Variants in CNOT6 observed in about 807,000 individuals in gnomAD.
CNOT6 encodes carbon catabolite repression 4 protein.
In CNOT6, 12 loss-of-function variants were observed where a neutral mutation model predicts 61.2. The observed-to-expected ratio is 0.20, with a 90% CI of 0.13 to 0.32. CNOT6 has a LOEUF of 0.32. Among genes scored for constraint, CNOT6 ranks in the 10% least tolerant of loss-of-function variants. The pLI, the probability that CNOT6 is intolerant of heterozygous loss-of-function variation, is 1.00. For synonymous variants in CNOT6, 225 were observed against 240.6 expected (o/e 0.94, Z 0.60); for missense variants, 405 against 663.9 (o/e 0.61, Z 4.28).
intron 1 of CNOT6, among the ~76,000 whole-genome samples, chr5:180,499,954 G>A (rs1756791338): frequency 6.6e-6 from 1 of 152,164 alleles, no homozygotes; most frequent in Admixed American, 6.5e-5. Flanking sequence ...ACACAGTTCA[G>A]TTCGGCTGGG....
intron 1 of CNOT6, among the ~76,000 whole-genome samples, chr5:180,510,272 C>G (rs1453729355): frequency 6.7e-6 from 1 of 150,288 alleles, no homozygotes; most frequent in Non-Finnish European, 1.5e-5. Flanking sequence ...TCAGCCTATC[C>G]TCCTACCTCA....
chr5:180,569,007 A>C, intron 9 of CNOT6, 103 bp from the exon 10 acceptor site: 1 of 829,082 alleles, frequency 1.2e-6, no homozygotes, highest in South Asian at 1.8e-5. Context: ...TGTCTTTTCT[A>C]TTCTGGGACT....
intron 4 of CNOT6, among the ~76,000 whole-genome samples, chr5:180,559,226 A>G (rs558684614): frequency 6.6e-6 from 1 of 152,356 alleles, no homozygotes; most frequent in East Asian, 1.9e-4. Context: ...GTCTCCAACA[A>G]TAATTGTAGA....
intron 1 of CNOT6, among the ~76,000 whole-genome samples, chr5:180,526,461 G>A (rs1330775718): frequency 1.3e-5 from 2 of 152,166 alleles, no homozygotes; most frequent in African/African-American, 2.4e-5. Flanking sequence ...GTGGGAGTTC[G>A]TAGAAAGGGC....
chr5:180,497,845 A>G (rs59948118), intron 1 of CNOT6, among the ~76,000 whole-genome samples: 2,232 of 152,184 alleles, frequency 0.015, 45 homozygotes, highest in African/African-American at 0.051. Context: ...GGAGTTCGAG[A>G]CCAGCCTGAC....
At chr5:180,570,861 C>T (rs1053444616) in intron 10 of CNOT6, among the ~76,000 whole-genome samples, 2 of 152,114 alleles carry the variant, frequency 1.3e-5, no homozygotes, top group South Asian at 2.1e-4. Flanking sequence ...AATAATTGAG[C>T]GTAAGCCAGA....
At chr5:180,529,503 T>C in intron 2 of CNOT6, 115 bp downstream of exon 2, 2 of 673,236 alleles carry the variant, frequency 3.0e-6, no homozygotes, top group Non-Finnish European at 5.3e-6. Context: ...AAATGTAATG[T>C]ATTTATAAAT....
intron 1 of CNOT6, among the ~76,000 whole-genome samples, chr5:180,525,326 C>G (rs185543613): frequency 1.2e-4 from 18 of 152,030 alleles, no homozygotes; most frequent in Non-Finnish European, 2.4e-4. Flanking sequence ...CGCATGAGCC[C>G]AGGAGTTTGA....
rs781009525 is a variant in CNOT6 at position 180,576,008 on chromosome 5, T to C, written c.*1808T>C. The C allele has an allele frequency of 3.3e-5, 5 of 152,610 alleles. No individual in the cohort carries two copies. Among genetic ancestry groups the C allele is most frequent in the Non-Finnish European group, 7.3e-5 (5 of 68,042 alleles). The allele number at this position is 152,610 out of a possible 1,614,324, so 9.5% of individuals were successfully genotyped here. A position where few individuals can be genotyped will look rare whatever the true frequency, so the allele number is the denominator to read the frequency against. On this transcript the variant is annotated 3_prime_UTR_variant, in exon 12 of 12. Transcript: ENST00000261951. ...GTTTTTTGTTTTTTCTAGGATTTCA[T>C]TGTGATGTTTTGGTTTTGTTTTTTG...
intron 2 of CNOT6, 90 bp from the exon 3 acceptor site, chr5:180,549,841 C>T (rs1759507271): frequency 1.1e-6 from 1 of 943,194 alleles, no homozygotes; most frequent in Non-Finnish European, 1.6e-6. Context: ...ATTTAAGTTA[C>T]TCATAAAAAC....
At chr5:180,505,756 G>A (rs1757109561) in intron 1 of CNOT6, among the ~76,000 whole-genome samples, 1 of 152,064 alleles carries the variant, frequency 6.6e-6, no homozygotes, top group Non-Finnish European at 1.5e-5. Flanking sequence ...CACTGTGTTA[G>A]CCAGGATAGT....
chr5:180,565,988 C>T lies in CNOT6; in HGVS notation c.717+11C>T. On this transcript the variant is annotated intron_variant, in intron 7 of 11. Coordinates refer to ENST00000261951, the MANE Select transcript of CNOT6 (RefSeq NM_001370472.1). ...ATCGTAAGTCTTCAGGTAAGTCAGACAGAAGACAGTCAACCTAGCATTGAT... is the reference window on the plus strand; with the variant it reads ...ATCGTAAGTCTTCAGGTAAGTCAGATAGAAGACAGTCAACCTAGCATTGAT... 6.2e-7 allele frequency: 1 copy of T among 1,607,184 alleles called. No homozygotes were observed. The highest frequency in any genetic ancestry group is 8.5e-7 in the Non-Finnish European group (1 of 1,175,908).
intron 1 of CNOT6, among the ~76,000 whole-genome samples, chr5:180,498,648 T>C (rs926210129): frequency 3.9e-5 from 6 of 152,162 alleles, no homozygotes; most frequent in Non-Finnish European, 8.8e-5. Flanking sequence ...AAAAGGGAAG[T>C]GTATAGCCTT....
intron 1 of CNOT6, among the ~76,000 whole-genome samples, chr5:180,512,821 C>T (rs1323936178): frequency 6.6e-6 from 1 of 152,166 alleles, no homozygotes; most frequent in Non-Finnish European, 1.5e-5. Context: ...TAGTCTTGAA[C>T]TCCTGACCTC....
At chr5:180,552,850 A>C (rs1246325524) in intron 3 of CNOT6, among the ~76,000 whole-genome samples, 2 of 152,208 alleles carry the variant, frequency 1.3e-5, no homozygotes, top group Admixed American at 6.5e-5. Flanking sequence ...TATTTTTTAA[A>C]TGCAACTTTA....
intron 1 of CNOT6, among the ~76,000 whole-genome samples, chr5:180,524,766 A>G (rs946683059): frequency 8.5e-5 from 13 of 152,244 alleles, no homozygotes; most frequent in African/African-American, 2.9e-4. Flanking sequence ...ACTTTCATCA[A>G]TAATTCTAAT....
intron 1 of CNOT6, chr5:180,495,405 C>T (rs1756562593): frequency 6.6e-6 from 1 of 152,200 alleles, no homozygotes; most frequent in Non-Finnish European, 1.5e-5. Context: ...TTGCATCCCT[C>T]CTTTTTGTTT....
chr5:180,567,587 C>G (rs1483420865), intron 8 of CNOT6, among the ~76,000 whole-genome samples: 2 of 152,124 alleles, frequency 1.3e-5, no homozygotes, highest in Non-Finnish European at 2.9e-5. Flanking sequence ...GTAGAATATT[C>G]CAACATAAAA....
intron 1 of CNOT6, among the ~76,000 whole-genome samples, chr5:180,513,963 A>G (rs907176808): frequency 6.6e-6 from 1 of 151,694 alleles, no homozygotes; most frequent in African/African-American, 2.4e-5. Flanking sequence ...CGGCCTCCCA[A>G]AGTGCTGGGA....
Sources: gnomAD v4.1 joint callset for allele counts (sites outside exome capture counted in the v4.1 genomes callset) on GRCh38, gnomAD v4.1.1 for gene constraint, MANE v1.5 for transcripts, NCBI Gene and HGNC (gene_info 2026-07-23, HGNC 2026-07-21) for gene names.